The following MECR variants were observed in gnomAD, a reference collection of about 807,000 sequenced individuals.
MECR encodes the protein enoyl-[acyl-carrier-protein] reductase, mitochondrial.
MECR carries 37 observed loss-of-function variants against 49.1 expected under a neutral mutation model. The observed-to-expected ratio is 0.75, with a 90% CI of 0.58 to 0.99. MECR has a LOEUF of 0.99. Among genes scored for constraint, MECR ranks in the 50% least tolerant of loss-of-function variants. The pLI is 0.00. For synonymous variants in MECR, 198 were observed against 191.1 expected (o/e 1.04, Z -0.30); for missense variants, 470 against 479.6 (o/e 0.98, Z 0.19).
rs758861205 is a variant in MECR, at chr1:29,230,868, G to A, written c.39C>T (p.Pro13=). ...VCSTLWRVRT[P]ARQWRGLLPA... Reference sequence around the variant, plus strand: ...GGAGCAGCCCCCGCCACTGCCGGGCGGGGGTTCGCACCCGCCACAGGGTAC... The same window carrying A: ...GGAGCAGCCCCCGCCACTGCCGGGCAGGGGTTCGCACCCGCCACAGGGTAC... The change falls in exon 1 of 10, where the codon CCC becomes CCT. Residue 13 remains proline, a synonymous_variant. Coordinates refer to ENST00000263702, the MANE Select transcript of MECR (RefSeq NM_016011.5). 1.2e-6 allele frequency: 2 copies of A among 1,607,490 alleles called. No homozygotes were observed. The highest frequency in any genetic ancestry group is 2.7e-5 in the African/African-American group (2 of 74,836).
the MECR span, among the ~76,000 whole-genome samples, chr1:29,187,503 C>T: frequency 1.3e-5 from 2 of 152,018 alleles, no homozygotes; most frequent in African/African-American, 4.8e-5. Flanking sequence ...AGCCACCATG[C>T]CTGGCCGCAA....
At chr1:29,198,023 A>G (rs575901756) in intron 7 of MECR, among the ~76,000 whole-genome samples, 1 of 152,152 alleles carries the variant, frequency 6.6e-6, no homozygotes, top group East Asian at 1.9e-4. Context: ...AGTGGGGGAG[A>G]TGGTTTTGGG....
chr1:29,183,168 G>A, the MECR span, among the ~76,000 whole-genome samples: 3 of 152,010 alleles, frequency 2.0e-5, no homozygotes, highest in Admixed American at 6.6e-5. Context: ...TCCTTTAGGA[G>A]GTTAATTTAC....
intron 2 of MECR, 71 bp from the exon 3 acceptor site, chr1:29,216,207 C>T (rs536710037): frequency 2.9e-5 from 45 of 1,566,978 alleles, no homozygotes; most frequent in Non-Finnish European, 3.5e-5. Flanking sequence ...CTTGAGTCCA[C>T]GCCATCCTAG....
chr1:29,199,283 A>G (rs1204564283), intron 7 of MECR, among the ~76,000 whole-genome samples: 28 of 152,154 alleles, frequency 1.8e-4, no homozygotes, highest in Admixed American at 1.8e-3. Flanking sequence ...GCTGGAGTGC[A>G]GTGGCGCAAT....
rs752087770 is a variant in MECR, at chr1:29,203,206, T to C, written c.578A>G (p.Asn193Ser). The change falls in exon 5 of 10, where the codon AAC (asparagine) becomes AGC (serine). Residue 193 changes from asparagine to serine, a missense_variant. Physicochemically the swap from Asn to Ser is conservative, Grantham distance 46. Transcript: ENST00000263702. ...PGDSVIQNAS[N>S]SGVGQAVIQI... is the part of the protein sequence containing the mutation. Reference sequence around the variant, plus strand: ...GATGACTGCTTGCCCCACTCCGCTGTTGGATGCATTCTGGATGACAGAATC... The same window carrying C: ...GATGACTGCTTGCCCCACTCCGCTGCTGGATGCATTCTGGATGACAGAATC... The C allele has an allele frequency of 4.4e-6, 7 of 1,582,414 alleles. No individual in the cohort carries two copies. Among genetic ancestry groups the C allele is most frequent in the South Asian group, 2.3e-5 (2 of 87,554 alleles).
intron 7 of MECR, among the ~76,000 whole-genome samples, chr1:29,199,532 G>C (rs1320311337): frequency 6.6e-6 from 1 of 152,148 alleles, no homozygotes; most frequent in Non-Finnish European, 1.5e-5. Flanking sequence ...CGGCCTAGAA[G>C]CTTATATTAA....
intron 3 of MECR, among the ~76,000 whole-genome samples, chr1:29,209,312 G>C (rs910642626): frequency 3.9e-5 from 6 of 152,158 alleles, no homozygotes; most frequent in Admixed American, 1.3e-4. Context: ...TTGATTTCTC[G>C]AATGGGTCAC....
At chr1:29,169,834 A>G in the MECR span, 1 of 152,216 alleles carries the variant, frequency 6.6e-6, no homozygotes, top group Non-Finnish European at 1.5e-5. Flanking sequence ...TAAACACCAA[A>G]CAGTAAAACT....
the MECR span, among the ~76,000 whole-genome samples, chr1:29,179,826 A>C: frequency 8.5e-5 from 13 of 152,226 alleles, no homozygotes; most frequent in Non-Finnish European, 1.3e-4. Context: ...TCAAGAGCAG[A>C]ACTGTTTTCT....
chr1:29,194,135 G>A lies in MECR; in HGVS notation c.1009C>T (p.Arg337Ter), dbSNP rs757907975. The change falls in exon 10 of 10, where the codon CGA (arginine) becomes TGA (stop). Residue 337 changes from arginine (R) to a stop codon, truncating the protein, a stop_gained. Transcript: ENST00000263702. LOFTEE classifies it high-confidence loss of function. ...CAGGCAGGGGCTGTGAGCTGGCCTC[G>A]GCGGATGAGATCGCACAGTGTGAGG... ...LILTLCDLIRRGQLTAPACSQ... is the reference protein window; with the variant it reads ...LILTLCDLIR 6.2e-6 allele frequency: 10 copies of A among 1,613,900 alleles called. No homozygotes were observed. The highest frequency in any genetic ancestry group is 1.1e-5 in the South Asian group (1 of 91,058).
At chr1:29,207,578 G>GACA (rs1676929609) in intron 3 of MECR, among the ~76,000 whole-genome samples, 1 of 105,484 alleles carries the variant, frequency 9.5e-6, no homozygotes, top group Non-Finnish European at 2.0e-5. Flanking sequence ...TGTCTCTACA[G>GACA]AAAAAAAAAA....
the MECR span, among the ~76,000 whole-genome samples, chr1:29,179,645 C>T: frequency 2.6e-5 from 4 of 152,288 alleles, no homozygotes; most frequent in Admixed American, 1.3e-4. Flanking sequence ...GCCCCAACTA[C>T]GACATATACT....
intron 1 of MECR, among the ~76,000 whole-genome samples, chr1:29,218,410 A>G (rs953595322): frequency 6.6e-6 from 1 of 152,188 alleles, no homozygotes; most frequent in Non-Finnish European, 1.5e-5. Context: ...ATTAAGTAGT[A>G]ATTCATTTTT....
intron 1 of MECR, chr1:29,224,499 G>C (rs966130145): frequency 2.0e-5 from 3 of 152,180 alleles, no homozygotes; most frequent in Non-Finnish European, 4.4e-5. Flanking sequence ...GGAGCAAAGA[G>C]GATTCACGTC....
chr1:29,213,598 T>C (rs536963636), intron 3 of MECR, among the ~76,000 whole-genome samples: 3 of 152,312 alleles, frequency 2.0e-5, no homozygotes, highest in East Asian at 3.9e-4. Flanking sequence ...TTCTGGGGGA[T>C]GGATATGGTT....
Position 29,216,609 on chromosome 1 carries a change from A to G in MECR, c.253T>C (p.Ser85Pro). The G allele has an allele frequency of 6.2e-7, 1 of 1,614,174 alleles. No individual in the cohort carries two copies. The highest frequency in any genetic ancestry group is 8.5e-7 in the Non-Finnish European group (1 of 1,180,030). ...VKMLAAPINP[S>P]DINMIQGNYG... ...TTACCTTGGATCATATTTATGTCAG[A>G]TGGATTGATAGGGGCCGCCAGCATC... Residue 85 changes from serine (S) to proline (P), a missense_variant, in exon 2 of 10, where the codon TCT becomes CCT. Ser to Pro is a moderately conservative substitution (Grantham distance 74, BLOSUM62 -1). Transcript: ENST00000263702.
the MECR span, among the ~76,000 whole-genome samples, chr1:29,178,353 C>T: frequency 7.8e-6 from 1 of 127,888 alleles, no homozygotes; most frequent in Admixed American, 8.2e-5. Context: ...GTTTCAATTA[C>T]TTTTTTTTTT....
chr1:29,210,571 G>C (rs908489927), intron 3 of MECR, among the ~76,000 whole-genome samples: 2 of 152,046 alleles, frequency 1.3e-5, no homozygotes, highest in Admixed American at 6.6e-5. Flanking sequence ...CTTATGGCAC[G>C]ACAATGGAAA....
Sources: allele counts gnomAD v4.1 joint callset (sites outside exome capture counted in the v4.1 genomes callset), GRCh38; gene constraint gnomAD v4.1.1; transcripts MANE v1.5; gene names NCBI Gene and HGNC (gene_info 2026-07-23, HGNC 2026-07-21).